RYR2: variants seen among roughly 807,000 people sequenced by gnomAD.
The protein encoded by RYR2 is ryanodine receptor 2.
A neutral mutation model predicts 601.1 loss-of-function variants in RYR2; 227 were observed. The observed-to-expected ratio is 0.38, with a 90% CI of 0.34 to 0.42. The LOEUF (loss-of-function observed/expected upper bound fraction) is 0.42. Among genes scored for constraint, RYR2 ranks in the 10% least tolerant of loss-of-function variants. The probability of loss-of-function intolerance (pLI) is 1.00; values close to 1 mark genes in which losing one functional copy is unlikely to be tolerated. For missense variants in RYR2, 4,646 were observed against 6,156.5 expected, an observed-to-expected ratio of 0.75 and a Z score of 8.21; for synonymous variants, 2,223 against 2,175.1, an observed-to-expected ratio of 1.02 and a Z score of -0.61.
At chr1:237,622,408 C>T (rs1163051058) in intron 38 of RYR2, among the ~76,000 whole-genome samples, 1 of 152,132 alleles carries the variant, frequency 6.6e-6, no homozygotes, top group Non-Finnish European at 1.5e-5. Flanking sequence ...CACGTAAATA[C>T]TTAGTACAAA....
At chr1:237,420,653 A>G (rs1322823459) in intron 11 of RYR2, among the ~76,000 whole-genome samples, 1 of 152,120 alleles carries the variant, frequency 6.6e-6, no homozygotes. Context: ...CATTCATTCC[A>G]TTTCTACCAG....
chr1:237,242,020 A>G (rs1359819475), intron 1 of RYR2, among the ~76,000 whole-genome samples: 1 of 152,212 alleles, frequency 6.6e-6, no homozygotes, highest in Non-Finnish European at 1.5e-5. Flanking sequence ...CTCAATAAAT[A>G]GTTGAAAAGG....
intron 2 of RYR2, among the ~76,000 whole-genome samples, chr1:237,298,190 TG>T (rs1260998523): frequency 6.6e-5 from 10 of 152,238 alleles, no homozygotes; most frequent in African/African-American, 2.2e-4. Context: ...CACTCAACCA[TG>T]GGTGCACATT....
intron 61 of RYR2, among the ~76,000 whole-genome samples, chr1:237,678,980 G>A (rs763335748): frequency 1.3e-5 from 2 of 152,154 alleles, no homozygotes; most frequent in Non-Finnish European, 2.9e-5. Flanking sequence ...TATTTGACTT[G>A]TAGTATGTTT....
intron 18 of RYR2, 122 bp from the exon 19 acceptor site, chr1:237,492,829 AAGG>A: frequency 4.5e-6 from 3 of 673,554 alleles, no homozygotes; most frequent in Admixed American, 6.0e-5. Context: ...GTCTGAAAGG[AAGG>A]AAGGAAGGAA....
At chr1:237,430,833 A>C (rs1706730396) in intron 12 of RYR2, among the ~76,000 whole-genome samples, 1 of 152,156 alleles carries the variant, frequency 6.6e-6, no homozygotes, top group Non-Finnish European at 1.5e-5. Context: ...TTTTCTCTGA[A>C]TATCCCTCCT....
chr1:237,363,793 AAG>A (rs1257102054), intron 4 of RYR2, among the ~76,000 whole-genome samples: 1 of 152,160 alleles, frequency 6.6e-6, no homozygotes, highest in Non-Finnish European at 1.5e-5. Context: ...TTAAGAGAAA[AAG>A]AAATGTTTTT....
intron 1 of RYR2, among the ~76,000 whole-genome samples, chr1:237,172,291 C>T (rs1354905280): frequency 6.6e-6 from 1 of 152,068 alleles, no homozygotes; most frequent in Non-Finnish European, 1.5e-5. Context: ...GGCTTGGATC[C>T]AGACAGACAA....
intron 1 of RYR2, among the ~76,000 whole-genome samples, chr1:237,051,664 T>C (rs1365297714): frequency 1.3e-5 from 2 of 152,132 alleles, no homozygotes; most frequent in East Asian, 1.9e-4. Context: ...TGCATTGATA[T>C]GTAATTGTCT....
At chr1:237,710,170 T>C (rs1688713120) in intron 70 of RYR2, among the ~76,000 whole-genome samples, 2 of 152,326 alleles carry the variant, frequency 1.3e-5, no homozygotes, top group African/African-American at 4.8e-5. Context: ...ATCATAACAA[T>C]CGTATAGTAG....
At chr1:237,823,708 G>A (rs916784882) in intron 101 of RYR2, among the ~76,000 whole-genome samples, 16 of 151,908 alleles carry the variant, frequency 1.1e-4, no homozygotes, top group Non-Finnish European at 5.9e-5. Context: ...ATAGAGAAAC[G>A]AAAAACCCTT....
intron 1 of RYR2, among the ~76,000 whole-genome samples, chr1:237,138,491 G>A (rs998233659): frequency 4.6e-5 from 7 of 151,938 alleles, no homozygotes; most frequent in East Asian, 3.8e-4. Context: ...TTAAAGTCTC[G>A]GGGCTTATTT....
intron 33 of RYR2, among the ~76,000 whole-genome samples, chr1:237,594,924 T>G (rs1216059687): frequency 2.3e-5 from 2 of 85,286 alleles, no homozygotes; most frequent in Admixed American, 1.6e-4. Context: ...TTTTTTTTTT[T>G]TTTTTTTGCA....
intron 73 of RYR2, among the ~76,000 whole-genome samples, chr1:237,720,888 A>G (rs1435044834): frequency 1.1e-4 from 17 of 152,220 alleles, no homozygotes; most frequent in Non-Finnish European, 1.9e-4. Flanking sequence ...GACAGTTTAG[A>G]TGACGTATTC....
chr1:237,266,151 A>G (rs973305438), intron 1 of RYR2, among the ~76,000 whole-genome samples: 5 of 152,252 alleles, frequency 3.3e-5, no homozygotes, highest in Non-Finnish European at 5.9e-5. Context: ...AAAGCAAGAC[A>G]TATGAATTAC....
chr1:237,172,241 T>G lies in RYR2; in HGVS notation c.49-98256T>G, dbSNP rs115639431. Among the ~76,000 whole-genome samples the G allele has an allele frequency of 6.1e-3, 928 of 152,312 alleles. 9 individuals are homozygous for G. The highest frequency in any genetic ancestry group is 0.033 in the South Asian group (157 of 4,824). ...AAGCAGTTTCATTAGACTTTGAATG[T>G]TGTTTGCTGTTGGGTAGGTGAAGCT... On this transcript the variant is annotated intron_variant, in intron 1 of 104. Coordinates refer to ENST00000366574, the MANE Select transcript of RYR2 (RefSeq NM_001035.3).
chr1:237,144,853 CAT>C (rs1673814025), intron 1 of RYR2, among the ~76,000 whole-genome samples: 1 of 152,142 alleles, frequency 6.6e-6, no homozygotes, highest in East Asian at 1.9e-4. Flanking sequence ...ACGAGTGAAA[CAT>C]GCATCCAACT....
At chr1:237,135,695 G>C (rs900508802) in intron 1 of RYR2, among the ~76,000 whole-genome samples, 2 of 152,088 alleles carry the variant, frequency 1.3e-5, no homozygotes, top group African/African-American at 4.8e-5. Flanking sequence ...GGTTTTAACT[G>C]TGTGTATTTT....
intron 65 of RYR2, 95 bp from the exon 66 acceptor site, chr1:237,701,883 A>G: frequency 1.5e-6 from 1 of 661,328 alleles, no homozygotes; most frequent in East Asian, 2.7e-5. Flanking sequence ...TGAATAGTAT[A>G]TAGCCTAAAC....
Sources: allele counts gnomAD v4.1 joint callset (sites outside exome capture counted in the v4.1 genomes callset), GRCh38; gene constraint gnomAD v4.1.1; transcripts MANE v1.5; gene names NCBI Gene and HGNC (gene_info 2026-07-23, HGNC 2026-07-21).